The following MYOF variants were observed in gnomAD, a reference collection of about 807,000 sequenced individuals.
The protein encoded by MYOF is myoferlin.
MYOF carries 244 observed loss-of-function variants against 284.2 expected under a neutral mutation model. That is an observed-to-expected ratio of 0.86 (90% CI 0.77 to 0.95). The LOEUF is 0.95. Among genes scored for constraint, MYOF ranks in the 40% least tolerant of loss-of-function variants. The probability of loss-of-function intolerance (pLI) is 0.00; values close to 1 mark genes in which losing one functional copy is unlikely to be tolerated. For missense variants in MYOF, 2,496 were observed against 2,560.6 expected (o/e 0.97, Z 0.54); for synonymous variants, 904 against 919.7 (o/e 0.98, Z 0.31).
At chr10:93,481,171 G>C (rs938633785) in intron 1 of MYOF, among the ~76,000 whole-genome samples, 1 of 152,158 alleles carries the variant, frequency 6.6e-6, no homozygotes. Flanking sequence ...CCCTGCAATG[G>C]CAATCAAGTG....
chr10:93,443,162 C>CA lies in MYOF; in HGVS notation c.236+8887dup, dbSNP rs201324603. Among the ~76,000 whole-genome samples, 12 of 149,406 alleles carry CA rather than the reference C, an allele frequency of 8.0e-5. No individual in the cohort carries two copies. In the East Asian group the frequency reaches 9.8e-4, roughly 12 times the overall value. On this transcript the variant is annotated intron_variant, in intron 3 of 53. Coordinates refer to ENST00000359263, the MANE Select transcript of MYOF (RefSeq NM_013451.4). The stretch of plus-strand genomic sequence containing the variant: ...GGCAACAGAGTGAGACTCTGTCTCA[C>CA]AAAAAATTTTTTTTAAAGAATTATA...
chr10:93,465,196 G>A, intron 1 of MYOF, among the ~76,000 whole-genome samples: 1 of 152,188 alleles, frequency 6.6e-6, no homozygotes, highest in African/African-American at 2.4e-5. Flanking sequence ...AGTAAGTGAT[G>A]GAGCTGGGAT....
chr10:93,361,630 A>T, intron 27 of MYOF, 73 bp from the exon 28 acceptor site: 1 of 1,382,962 alleles, frequency 7.2e-7, no homozygotes, highest in Non-Finnish European at 1.0e-6. Context: ...GGTCCAATAT[A>T]GTTCCTCATT....
At chr10:93,395,042 GC>G (rs1846934637) in intron 16 of MYOF, among the ~76,000 whole-genome samples, 1 of 151,940 alleles carries the variant, frequency 6.6e-6, no homozygotes, top group African/African-American at 2.4e-5. Context: ...ACCTTGAGTT[GC>G]CCAAGATAAA....
At chr10:93,481,102 G>T (rs7900392) in intron 1 of MYOF, among the ~76,000 whole-genome samples, 118,143 of 152,108 alleles carry the variant, frequency 0.78, 46,337 homozygotes, top group South Asian at 0.84. Context: ...CCCCACTTTA[G>T]CCAAAACTAA....
At position 93,347,638 on chromosome 10, in the gene MYOF, C is replaced by T; in HGVS notation, c.4228G>A (p.Asp1410Asn). ...FRCDPYAGKEDIVPQLKASLL... is the reference protein window; with the variant it reads ...FRCDPYAGKENIVPQLKASLL... ...TTACCTTTGAGCTGTGGGACGATGT[C>T]CTCTTTCCCTGCATAAGGGTCACAG... The change falls in exon 37 of 54, where the codon GAC (aspartate) becomes AAC (asparagine). Residue 1410 changes from aspartate to asparagine, a missense_variant. Coordinates refer to ENST00000359263, the MANE Select transcript of MYOF (RefSeq NM_013451.4). 1 of 1,613,062 alleles carries T rather than the reference C, an allele frequency of 6.2e-7. No homozygotes were observed. The highest frequency in any genetic ancestry group is 2.2e-5 in the East Asian group (1 of 44,828).
At chr10:93,383,954 G>A (rs1846240287) in intron 19 of MYOF, among the ~76,000 whole-genome samples, 2 of 152,162 alleles carry the variant, frequency 1.3e-5, no homozygotes, top group South Asian at 4.1e-4. Context: ...ATGCTCTCAC[G>A]CAGAGCTTGC....
In MYOF at chr10:93,369,756, G is replaced by A. The variant is rs200943404; in HGVS notation, c.2478C>T (p.Asn826=). 3.7e-4 allele frequency: 596 copies of A among 1,614,102 alleles called. 1 individual carries two copies. The highest frequency in any genetic ancestry group is 4.3e-4 in the South Asian group (39 of 91,080). Residue 826 remains asparagine (N), a synonymous_variant, in exon 25 of 54, where the codon AAC becomes AAT. Coordinates refer to ENST00000359263, the MANE Select transcript of MYOF (RefSeq NM_013451.4). ...GCAACTCCACAGGCACCTTTGGCCC[G>A]TTGTTTTTCTCCTGTGGATACTGTG... ...IFLKYPQEKN[N]GPKVPVELRV...
chr10:93,333,706 G>A (rs1419229870), intron 42 of MYOF, 52 bp downstream of exon 42: 4 of 1,593,058 alleles, frequency 2.5e-6, no homozygotes, highest in African/African-American at 1.3e-5. Context: ...TATTGTGGCT[G>A]ATGACTGTAA....
At chr10:93,445,077 T>C (rs1589580570) in intron 3 of MYOF, among the ~76,000 whole-genome samples, 1 of 152,356 alleles carries the variant, frequency 6.6e-6, no homozygotes, top group East Asian at 1.9e-4. Flanking sequence ...AATACACTGA[T>C]ATTGAGAATT....
intron 37 of MYOF, among the ~76,000 whole-genome samples, chr10:93,347,052 CAG>C (rs1844216256): frequency 6.6e-6 from 1 of 152,176 alleles, no homozygotes; most frequent in African/African-American, 2.4e-5. Flanking sequence ...CAGGACGCTT[CAG>C]AGAGGAATCC....
intron 5 of MYOF, among the ~76,000 whole-genome samples, chr10:93,412,280 T>G (rs1847927554): frequency 6.6e-6 from 1 of 152,064 alleles, no homozygotes; most frequent in South Asian, 2.1e-4. Flanking sequence ...CTCAACATCT[T>G]TTTCAGGCTA....
intron 35 of MYOF, among the ~76,000 whole-genome samples, chr10:93,350,515 G>T (rs1428988832): frequency 6.6e-6 from 1 of 152,122 alleles, no homozygotes; most frequent in African/African-American, 2.4e-5. Flanking sequence ...GTTCCACCAT[G>T]TTGACCGGGT....
intron 13 of MYOF, among the ~76,000 whole-genome samples, chr10:93,398,987 C>T: frequency 6.7e-6 from 1 of 149,892 alleles, no homozygotes; most frequent in South Asian, 2.2e-4. Context: ...TTTACTGGGG[C>T]ATGGAAGGTG....
At chr10:93,326,394 T>C (rs145851252) in intron 45 of MYOF, among the ~76,000 whole-genome samples, 27 of 152,310 alleles carry the variant, frequency 1.8e-4, no homozygotes, top group Admixed American at 3.3e-4. Context: ...GGAGTCTCTA[T>C]GTGCCTTTTT....
chr10:93,452,673 G>A (rs1358541205), intron 2 of MYOF, among the ~76,000 whole-genome samples: 2 of 151,840 alleles, frequency 1.3e-5, no homozygotes, highest in Non-Finnish European at 2.9e-5. Flanking sequence ...CCTGCACTTT[G>A]TGCACATGTA....
Position 93,408,577 on chromosome 10 carries a change from T to C in MYOF, c.729+210A>G, listed in dbSNP as rs150980744. 2.8e-3 allele frequency among the ~76,000 whole-genome samples: 432 copies of C among 152,120 alleles called. 4 individuals carry two copies. The highest frequency in any genetic ancestry group is 9.7e-3 in the African/African-American group (402 of 41,526). Reference sequence around the variant, plus strand: ...GCTATATTTGTTACTTACCTATTTCTCCTTTTCCAATAGCAGAAGTGGGTT... The same window carrying C: ...GCTATATTTGTTACTTACCTATTTCCCCTTTTCCAATAGCAGAAGTGGGTT... On this transcript the variant is annotated intron_variant, in intron 7 of 53. Coordinates refer to ENST00000359263, the MANE Select transcript of MYOF (RefSeq NM_013451.4).
intron 4 of MYOF, 73 bp from the exon 5 acceptor site, chr10:93,426,231 C>T: frequency 6.9e-7 from 1 of 1,455,692 alleles, no homozygotes; most frequent in Non-Finnish European, 9.3e-7. Context: ...ATGCAAGTGA[C>T]TTCAGCAGGA....
chr10:93,464,040 T>A (rs1264204425), intron 1 of MYOF, among the ~76,000 whole-genome samples: 2 of 152,196 alleles, frequency 1.3e-5, no homozygotes, highest in Non-Finnish European at 2.9e-5. Flanking sequence ...CGAGGTATTT[T>A]GTAGATGTGA....
Sources: allele counts gnomAD v4.1 joint callset (sites outside exome capture counted in the v4.1 genomes callset), GRCh38; gene constraint gnomAD v4.1.1; transcripts MANE v1.5; gene names NCBI Gene and HGNC (gene_info 2026-07-23, HGNC 2026-07-21).